SLC7A9: variants seen among roughly 807,000 people sequenced by gnomAD.
SLC7A9 encodes solute carrier family 7 member 9.
A neutral mutation model predicts 54.1 loss-of-function variants in SLC7A9; 38 were observed. That is an observed-to-expected ratio of 0.70 (90% confidence interval 0.54 to 0.92). The LOEUF is 0.92. Among genes scored for constraint, SLC7A9 ranks in the 40% least tolerant of loss-of-function variants. The pLI, the probability that SLC7A9 is intolerant of heterozygous loss-of-function variation, is 0.00. For missense variants in SLC7A9, 537 were observed against 636.1 expected, an observed-to-expected ratio of 0.84 and a Z score of 1.68; for synonymous variants, 264 against 258.9, an observed-to-expected ratio of 1.02 and a Z score of -0.19.
rs141385062 is a variant in SLC7A9 at position 32,864,262 on chromosome 19, G to A, written c.312C>T (p.Tyr104=). 95 of 1,614,008 alleles carry A rather than the reference G, an allele frequency of 5.9e-5. No homozygotes were observed. The highest frequency in any genetic ancestry group is 4.4e-4 in the African/African-American group (33 of 74,922). ...AGAAGAGGTAGGCGGGGATGGGCCC[G>A]TAGGCCTCCATCAGGTAGGGATACT... ...GGEYPYLMEA[Y]GPIPAYLFSW... The change falls in exon 4 of 13, where the codon TAC becomes TAT. Residue 104 remains tyrosine (Y), a synonymous_variant. Transcript: ENST00000023064.
intron 7 of SLC7A9, 81 bp downstream of exon 7, chr19:32,860,525 A>T (rs959230142): frequency 2.5e-6 from 4 of 1,610,174 alleles, no homozygotes; most frequent in Non-Finnish European, 3.4e-6. Context: ...TGGAATACCC[A>T]GGGAAATAGC....
chr19:32,835,995 A>G (rs1568511447), intron 11 of SLC7A9, among the ~76,000 whole-genome samples: 4 of 151,512 alleles, frequency 2.6e-5, no homozygotes, highest in Non-Finnish European at 5.9e-5. Flanking sequence ...GCTCACTGCA[A>G]CCTCTGCCTC....
At chr19:32,834,272 G>A (rs1568510376) in intron 11 of SLC7A9, among the ~76,000 whole-genome samples, 2 of 152,182 alleles carry the variant, frequency 1.3e-5, no homozygotes, top group South Asian at 2.1e-4. Context: ...AGAGCCAGAC[G>A]TGGGTTTTCA....
intron 9 of SLC7A9, among the ~76,000 whole-genome samples, chr19:32,848,516 G>T (rs144418226): frequency 4.7e-4 from 72 of 152,222 alleles, no homozygotes; most frequent in Non-Finnish European, 8.2e-4. Context: ...AATAACAGGA[G>T]CACCCAGATT....
rs774878350 is a variant in SLC7A9 at position 32,842,248 on chromosome 19, C to A, written c.1144G>T (p.Ala382Ser). The A allele has an allele frequency of 1.2e-6, 2 of 1,613,888 alleles. No individual in the cohort carries two copies. Among genetic ancestry groups the A allele is most frequent in the Non-Finnish European group, 1.7e-6 (2 of 1,179,832 alleles). The change falls in exon 11 of 13, where the codon GCA (alanine) becomes TCA (serine). Residue 382 changes from alanine (A) to serine (S), a missense_variant. Coordinates refer to ENST00000023064, the MANE Select transcript of SLC7A9 (RefSeq NM_014270.5). The part of the protein sequence containing the change: ...NSLVNYFSFA[A>S]WLFYGLTILG... ...ATCGTCAGGCCATAAAACAGCCATG[C>A]GGCAAAGCTGAAATAATTGACTAAC...
intron 9 of SLC7A9, among the ~76,000 whole-genome samples, chr19:32,850,901 C>A (rs1468165975): frequency 3.9e-5 from 6 of 152,130 alleles, no homozygotes; most frequent in African/African-American, 1.4e-4. Flanking sequence ...TTTGACAAAC[C>A]TGACAAAAAC....
chr19:32,862,664 T>A (rs577028385), intron 4 of SLC7A9, 78 bp from the exon 5 acceptor site: 98 of 1,313,530 alleles, frequency 7.5e-5, no homozygotes, highest in Middle Eastern at 2.8e-4. Flanking sequence ...TTTATATATT[T>A]TTTATTTTTT....
chr19:32,859,393 C>T (rs2145837964), intron 8 of SLC7A9, among the ~76,000 whole-genome samples: 1 of 152,112 alleles, frequency 6.6e-6, no homozygotes, highest in Non-Finnish European at 1.5e-5. Context: ...GTGACCTCAA[C>T]ACTTATCCAA....
At chr19:32,867,105 ATG>A (rs1394004937) in intron 2 of SLC7A9, among the ~76,000 whole-genome samples, 1 of 152,230 alleles carries the variant, frequency 6.6e-6, no homozygotes, top group Non-Finnish European at 1.5e-5. Flanking sequence ...TCCCTGGTAG[ATG>A]CCTCTAAGAC....
At chr19:32,860,262 G>T in intron 7 of SLC7A9, 1 of 1,398,678 alleles carries the variant, frequency 7.1e-7, no homozygotes, top group Non-Finnish European at 9.3e-7. Context: ...GAGCTCATAA[G>T]AAACCATTCG....
intron 9 of SLC7A9, among the ~76,000 whole-genome samples, chr19:32,854,726 T>C (rs1398872720): frequency 6.6e-6 from 1 of 152,072 alleles, no homozygotes; most frequent in East Asian, 1.9e-4. Flanking sequence ...TAGCTGGAAT[T>C]ACAGGCATCT....
chr19:32,868,522 C>T lies in SLC7A9; in HGVS notation c.13G>A (p.Gly5Ser), dbSNP rs752420957. The change falls in exon 2 of 13, where the codon GGC becomes AGC. Residue 5 changes from glycine (G) to serine (S), a missense_variant. Transcript: ENST00000023064. ...TCATCCTCTCTCCGCTTTCTCAGGC[C>T]AGTATCCCCCATGTTTCCTCCTGCT... MGDT[G>S]LRKRREDEKS... 2 of 1,614,040 alleles carry T rather than the reference C, an allele frequency of 1.2e-6. No homozygotes were observed. The highest frequency in any genetic ancestry group is 1.1e-5 in the South Asian group (1 of 91,072).
chr19:32,860,938 A>G (rs1439976831), intron 6 of SLC7A9, among the ~76,000 whole-genome samples: 1 of 152,218 alleles, frequency 6.6e-6, no homozygotes, highest in Non-Finnish European at 1.5e-5. Context: ...GTGCTTTGAA[A>G]AAATGGAATA....
At chr19:32,836,174 A>G (rs1967954673) in intron 11 of SLC7A9, among the ~76,000 whole-genome samples, 1 of 151,992 alleles carries the variant, frequency 6.6e-6, no homozygotes. Flanking sequence ...CAGCCTCCCA[A>G]CATGCTGGGA....
At chr19:32,855,317 C>T (rs1307778720) in intron 9 of SLC7A9, among the ~76,000 whole-genome samples, 4 of 152,034 alleles carry the variant, frequency 2.6e-5, no homozygotes, top group African/African-American at 4.8e-5. Context: ...GCTACAAGCC[C>T]GCCTTTCTTC....
intron 11 of SLC7A9, among the ~76,000 whole-genome samples, chr19:32,838,774 C>A (rs1968043518): frequency 6.8e-6 from 1 of 147,110 alleles, no homozygotes. Context: ...TACATATATG[C>A]ACATATATAC....
rs371854026 is a variant in SLC7A9, at chr19:32,842,003, G to A, written c.1224+165C>T. ...AAATGAATAACAAGGTGGCTAACTG[G>A]ATCATAAACTATGCTGTGAAGAGTA... On this transcript the variant is annotated intron_variant, in intron 11 of 12. Transcript: ENST00000023064. Among the ~76,000 whole-genome samples, 22 of 152,306 alleles carry A rather than the reference G, an allele frequency of 1.4e-4. No individual in the cohort carries two copies. The South Asian group carries it at 4.6e-3, about 32-fold the overall frequency.
Position 32,833,306 on chromosome 19 carries a change from G to T in SLC7A9, c.1242C>A (p.Pro414=), listed in dbSNP as rs536084711. The T allele has an allele frequency of 3.1e-6, 5 of 1,614,128 alleles. No individual in the cohort carries two copies. In the East Asian group the frequency reaches 1.1e-4, roughly 36 times the overall value. ...ERPIKVPVVI[P]VLMTLISVFL... is the part of the protein sequence containing the mutation. ...ACACAGAGATGAGTGTCATCAAGAC[G>T]GGAATGACTACGGGCACCTGGAGAC... The change falls in exon 12 of 13, where the codon CCC becomes CCA. Residue 414 remains proline, a synonymous_variant. Coordinates refer to ENST00000023064, the MANE Select transcript of SLC7A9 (RefSeq NM_014270.5).
chr19:32,846,826 A>G (rs1968311877), intron 9 of SLC7A9, among the ~76,000 whole-genome samples: 1 of 152,200 alleles, frequency 6.6e-6, no homozygotes, highest in African/African-American at 2.4e-5. Flanking sequence ...CAAAAATTCC[A>G]GAGGAACAAT....
Sources: gnomAD v4.1 joint callset for allele counts (sites outside exome capture counted in the v4.1 genomes callset) on GRCh38, gnomAD v4.1.1 for gene constraint, MANE v1.5 for transcripts, NCBI Gene and HGNC (gene_info 2026-07-23, HGNC 2026-07-21) for gene names.